The following JAZF1 variants were observed in gnomAD, a reference collection of about 807,000 sequenced individuals.
JAZF1 encodes juxtaposed with another zinc finger protein 1.
In JAZF1, 8 loss-of-function variants were observed where a neutral mutation model predicts 26.4. That is an observed-to-expected ratio of 0.30 (90% confidence interval 0.18 to 0.55). JAZF1 has a LOEUF of 0.55. Among genes scored for constraint, JAZF1 ranks in the 20% least tolerant of loss-of-function variants. The pLI is 0.94. For missense variants in JAZF1, 199 were observed against 322.0 expected (o/e 0.62, Z 2.92); for synonymous variants, 126 against 122.3 (o/e 1.03, Z -0.20).
chr7:27,860,581 A>C (rs191553085), intron 3 of JAZF1, among the ~76,000 whole-genome samples: 7 of 152,308 alleles, frequency 4.6e-5, no homozygotes, highest in Admixed American at 4.6e-4. Context: ...CTGTACATCT[A>C]TTAGCTCATT....
chr7:28,108,485 G>A (rs1358185713), intron 1 of JAZF1, among the ~76,000 whole-genome samples: 1 of 152,148 alleles, frequency 6.6e-6, no homozygotes, highest in Non-Finnish European at 1.5e-5. Context: ...AGTTCTCTCT[G>A]CTCCTCTAAC....
intron 1 of JAZF1, among the ~76,000 whole-genome samples, chr7:28,016,322 C>T (rs770659226): frequency 1.2e-4 from 19 of 152,080 alleles, no homozygotes; most frequent in African/African-American, 3.9e-4. Flanking sequence ...GTGGTGAAAC[C>T]GACAGAATGG....
intron 3 of JAZF1, among the ~76,000 whole-genome samples, chr7:27,854,686 G>A (rs1194532972): frequency 6.6e-6 from 1 of 152,176 alleles, no homozygotes; most frequent in Non-Finnish European, 1.5e-5. Context: ...TAAGAATGTT[G>A]AATATCGGCC....
chr7:27,977,820 C>G (rs1029781945), intron 2 of JAZF1, among the ~76,000 whole-genome samples: 1 of 152,200 alleles, frequency 6.6e-6, no homozygotes, highest in Admixed American at 6.5e-5. Flanking sequence ...TGCCTGGACT[C>G]TAGCTTACTC....
intron 1 of JAZF1, among the ~76,000 whole-genome samples, chr7:28,161,579 T>G (rs148497260): frequency 1.4e-4 from 22 of 152,268 alleles, no homozygotes; most frequent in African/African-American, 5.3e-4. Context: ...CAGGAGTGAC[T>G]TTCAGAAACT....
intron 3 of JAZF1, among the ~76,000 whole-genome samples, chr7:27,863,405 A>C (rs1051759100): frequency 1.3e-5 from 2 of 151,866 alleles, no homozygotes; most frequent in African/African-American, 4.8e-5. Flanking sequence ...AGTTTTTCTC[A>C]TGGGTGGCTG....
chr7:28,098,307 T>C (rs972701341), intron 1 of JAZF1, among the ~76,000 whole-genome samples: 2 of 152,126 alleles, frequency 1.3e-5, no homozygotes, highest in Non-Finnish European at 2.9e-5. Flanking sequence ...AGCACCTTGA[T>C]CTCAGATTCC....
At chr7:27,913,317 TGAGA>T (rs1784392061) in intron 2 of JAZF1, 1 of 418,454 alleles carries the variant, frequency 2.4e-6, no homozygotes, top group Admixed American at 3.0e-5. Context: ...GTAGCCAGAT[TGAGA>T]TTTTCTAACC....
chr7:27,916,166 C>T (rs10225182), intron 2 of JAZF1, among the ~76,000 whole-genome samples: 12,116 of 151,390 alleles, frequency 0.08, 495 homozygotes, highest in South Asian at 0.093. Context: ...AAAAGGAGTT[C>T]ATAATAAAAT....
intron 1 of JAZF1, among the ~76,000 whole-genome samples, chr7:28,062,730 T>C (rs768695115): frequency 1.3e-5 from 2 of 152,226 alleles, no homozygotes; most frequent in Non-Finnish European, 2.9e-5. Context: ...TGCGTATTTT[T>C]CTTCAGCCTT....
In JAZF1 at chr7:28,157,613, G is replaced by A. The variant is rs550240828; in HGVS notation, c.115+22850C>T. Among the ~76,000 whole-genome samples the A allele has an allele frequency of 2.0e-5, 3 of 152,262 alleles. No individual in the cohort carries two copies. In the East Asian group the frequency reaches 5.8e-4, roughly 29 times the overall value. ...GCAATTTGCCAACCCCTGCCCGATG[G>A]GAAGATGACACAAGACAGAAGGAAC... is the stretch of plus-strand genomic sequence containing the variant. On this transcript the variant is annotated intron_variant, in intron 1 of 4. Transcript: ENST00000283928.
At chr7:28,131,442 C>T (rs1782792003) in intron 1 of JAZF1, among the ~76,000 whole-genome samples, 1 of 152,122 alleles carries the variant, frequency 6.6e-6, no homozygotes, top group Non-Finnish European at 1.5e-5. Context: ...TCACCAGAGC[C>T]TTCTCTCCTT....
intron 3 of JAZF1, among the ~76,000 whole-genome samples, chr7:27,875,003 C>T (rs1783651017): frequency 6.6e-6 from 1 of 152,162 alleles, no homozygotes; most frequent in Non-Finnish European, 1.5e-5. Context: ...TCCCAGAGAG[C>T]CGTATTTTGA....
At chr7:27,990,178 G>C (rs1161410476) in intron 2 of JAZF1, among the ~76,000 whole-genome samples, 1 of 152,158 alleles carries the variant, frequency 6.6e-6, no homozygotes, top group Admixed American at 6.5e-5. Context: ...GCAAACTATT[G>C]CAAGGACAGA....
chr7:27,919,192 T>G (rs1350046938), intron 2 of JAZF1, among the ~76,000 whole-genome samples: 1 of 152,212 alleles, frequency 6.6e-6, no homozygotes, highest in Non-Finnish European at 1.5e-5. Flanking sequence ...TTTTGAAGAA[T>G]TACAATTTTT....
chr7:28,001,197 T>C (rs922675511), intron 1 of JAZF1, among the ~76,000 whole-genome samples: 31 of 151,378 alleles, frequency 2.0e-4, no homozygotes, highest in African/African-American at 7.5e-4. Context: ...CTAATAAAAA[T>C]ACAAAAATTA....
chr7:27,995,859 C>T (rs1469150545), intron 1 of JAZF1, among the ~76,000 whole-genome samples: 2 of 152,162 alleles, frequency 1.3e-5, no homozygotes, highest in African/African-American at 2.4e-5. Flanking sequence ...CACTAGCTCC[C>T]ATTGCTTCTC....
chr7:27,932,055 C>A (rs1312958948), intron 2 of JAZF1, among the ~76,000 whole-genome samples: 1 of 152,166 alleles, frequency 6.6e-6, no homozygotes, highest in South Asian at 2.1e-4. Flanking sequence ...ATAGCGTGGG[C>A]TATTTTAATT....
intron 3 of JAZF1, chr7:27,843,453 T>C (rs563309027): frequency 6.6e-6 from 1 of 152,338 alleles, no homozygotes; most frequent in South Asian, 2.1e-4. Flanking sequence ...CCATAGAGTA[T>C]GCACTGAAAA....
Sources: allele counts gnomAD v4.1 joint callset (sites outside exome capture counted in the v4.1 genomes callset), GRCh38; gene constraint gnomAD v4.1.1; transcripts MANE v1.5; gene names NCBI Gene and HGNC (gene_info 2026-07-23, HGNC 2026-07-21).